ELFN2: variants seen among roughly 807,000 people sequenced by gnomAD.
ELFN2 encodes the protein protein phosphatase 1 regulatory subunit 29.
A neutral mutation model predicts 45.5 loss-of-function variants in ELFN2; 17 were observed. The observed-to-expected ratio is 0.37, with a 90% CI of 0.26 to 0.56. The LOEUF (loss-of-function observed/expected upper bound fraction) is 0.56. Among genes scored for constraint, ELFN2 ranks in the 20% least tolerant of loss-of-function variants. ELFN2 has a pLI of 0.77. For synonymous variants in ELFN2, 550 were observed against 551.5 expected (o/e 1.00, Z 0.04); for missense variants, 922 against 1,183.2 (o/e 0.78, Z 3.24).
chr22:37,346,388 C>G (rs889128273), intron 1 of ELFN2, among the ~76,000 whole-genome samples: 1 of 152,022 alleles, frequency 6.6e-6, no homozygotes, highest in African/African-American at 2.4e-5. Context: ...ACCTCCTACC[C>G]CACCCCTCCT....
At chr22:37,422,952 G>GC (rs912377121) in intron 1 of ELFN2, among the ~76,000 whole-genome samples, 3 of 149,518 alleles carry the variant, frequency 2.0e-5, no homozygotes, top group Non-Finnish European at 3.0e-5. Flanking sequence ...TCGGGGGGGG[G>GC]GGGGGAAGTG....
Position 37,357,890 on chromosome 22 carries a change from C to T in ELFN2, n.149-15187G>A, listed in dbSNP as rs141470248. 3.2e-3 allele frequency among the ~76,000 whole-genome samples: 492 copies of T among 152,294 alleles called. 5 individuals are homozygous for T. Among genetic ancestry groups the T allele is most frequent in the African/African-American group, 0.011 (473 of 41,562 alleles). Reference sequence around the variant, plus strand: ...ATCGACTTCCTCTTGGTCAGCAGCACGAGCGTGGCCACCCCCTCCACACAT... The same window carrying T: ...ATCGACTTCCTCTTGGTCAGCAGCATGAGCGTGGCCACCCCCTCCACACAT... On this transcript the variant is annotated intron_variant and non_coding_transcript_variant, in intron 1 of 2. Transcript: ENST00000452946.
At chr22:37,422,614 G>A (rs182248444) in intron 1 of ELFN2, among the ~76,000 whole-genome samples, 177 of 152,020 alleles carry the variant, frequency 1.2e-3, no homozygotes, top group Non-Finnish European at 2.0e-3. Flanking sequence ...TTTTTTTTGA[G>A]ACGGAGCCTC....
chr22:37,415,512 A>G (rs1471462529), intron 2 of ELFN2, among the ~76,000 whole-genome samples: 1 of 152,214 alleles, frequency 6.6e-6, no homozygotes, highest in African/African-American at 2.4e-5. Context: ...GCCTGTCAGA[A>G]GGCTCTCTGC....
intron 1 of ELFN2, among the ~76,000 whole-genome samples, chr22:37,343,780 C>G (rs1313916728): frequency 6.9e-6 from 1 of 145,534 alleles, no homozygotes; most frequent in Non-Finnish European, 1.5e-5. Context: ...CCAGCCCTAT[C>G]TAGCCCCTCC....
intron 1 of ELFN2, among the ~76,000 whole-genome samples, chr22:37,355,253 C>T (rs1298035919): frequency 6.6e-6 from 1 of 152,240 alleles, no homozygotes; most frequent in Non-Finnish European, 1.5e-5. Context: ...ACAGTGCTGC[C>T]TGGCAGGGAG....
At position 37,373,487 on chromosome 22, in the gene ELFN2, C is replaced by CCCG; in HGVS notation, c.2045_2047dup (p.Ala682dup). The stretch of plus-strand genomic sequence containing the variant: ...GCCCCCGCCGCTGCCCCCGCCGCTG[C>CCCG]CCGCCGGCACCAGCGGGAGCCGGTC... On this transcript the variant is annotated inframe_insertion, in exon 3 of 3. Transcript: ENST00000402918. 6.5e-7 allele frequency: 1 copy of CCCG among 1,537,076 alleles called. No individual in the cohort carries two copies. Among genetic ancestry groups the CCCG allele is most frequent in the Non-Finnish European group, 8.8e-7 (1 of 1,142,546 alleles).
intron 1 of ELFN2, among the ~76,000 whole-genome samples, chr22:37,350,817 G>A (rs1015102889): frequency 6.7e-6 from 1 of 149,318 alleles, no homozygotes; most frequent in African/African-American, 2.4e-5. Flanking sequence ...CAAGACCCGA[G>A]GCCTCCAGGC....
chr22:37,420,237 G>C (rs1297482017), intron 1 of ELFN2: 3 of 152,048 alleles, frequency 2.0e-5, no homozygotes, highest in Non-Finnish European at 4.4e-5. Context: ...CCAGGTCCGC[G>C]GCAGTTCCCG....
intron 2 of ELFN2, among the ~76,000 whole-genome samples, chr22:37,380,525 G>C (rs1336621908): frequency 6.6e-6 from 1 of 152,170 alleles, no homozygotes; most frequent in Non-Finnish European, 1.5e-5. Flanking sequence ...GGGGGGAAGC[G>C]CAGTCTGTGT....
chr22:37,378,889 T>TG (rs757035723), intron 2 of ELFN2, among the ~76,000 whole-genome samples: 4 of 152,112 alleles, frequency 2.6e-5, no homozygotes, highest in Non-Finnish European at 5.9e-5. Context: ...ACTCAAGGTG[T>TG]GGGGGGTGGG....
At chr22:37,424,039 G>A (rs12158179) in intron 1 of ELFN2, among the ~76,000 whole-genome samples, 10,870 of 152,158 alleles carry the variant, frequency 0.071, 740 homozygotes, top group African/African-American at 0.18. Flanking sequence ...GCTAAGAAGC[G>A]TCAGGTTTCG....
chr22:37,342,172 G>T (rs1444086101), intron 2 of ELFN2, among the ~76,000 whole-genome samples: 1 of 152,176 alleles, frequency 6.6e-6, no homozygotes, highest in Admixed American at 6.5e-5. Flanking sequence ...TTCCCCTGAA[G>T]ACTTGAAGAG....
intron 1 of ELFN2, among the ~76,000 whole-genome samples, chr22:37,343,501 G>T (rs1000007446): frequency 2.6e-5 from 4 of 151,964 alleles, no homozygotes; most frequent in Admixed American, 1.3e-4. Context: ...TCAGCCCCCG[G>T]CCTGGGCTCC....
At chr22:37,422,947 G>GA (rs932519486) in intron 1 of ELFN2, among the ~76,000 whole-genome samples, 2 of 132,580 alleles carry the variant, frequency 1.5e-5, no homozygotes, top group African/African-American at 6.9e-5. Flanking sequence ...GGGCCTCGGG[G>GA]GGGGGGGGGG....
chr22:37,359,198 G>GT (rs1353091128), intron 1 of ELFN2, among the ~76,000 whole-genome samples: 3 of 152,192 alleles, frequency 2.0e-5, no homozygotes, highest in Non-Finnish European at 4.4e-5. Flanking sequence ...AATATAATTT[G>GT]TAAAACGCAA....
At chr22:37,397,341 C>T (rs1037331102) in intron 2 of ELFN2, among the ~76,000 whole-genome samples, 1 of 152,208 alleles carries the variant, frequency 6.6e-6, no homozygotes, top group Admixed American at 6.5e-5. Context: ...ACAACATAGG[C>T]CCCCAGGCAT....
chr22:37,342,876 G>A (rs192854497), intron 1 of ELFN2, among the ~76,000 whole-genome samples: 26 of 152,272 alleles, frequency 1.7e-4, no homozygotes, highest in African/African-American at 6.0e-4. Context: ...CAGACAGGTA[G>A]ATCTGTTTCA....
intron 1 of ELFN2, chr22:37,354,634 C>CATCTAGTTAACATGCACGGTCT (rs1437038010): frequency 6.6e-6 from 1 of 151,524 alleles, no homozygotes; most frequent in Non-Finnish European, 1.5e-5. Context: ...AAATACAGGA[C>CATCTAGTTAACATGCACGGTCT]GTACAAATGA....
Sources: gnomAD v4.1 joint callset for allele counts (sites outside exome capture counted in the v4.1 genomes callset) on GRCh38, gnomAD v4.1.1 for gene constraint, MANE v1.5 for transcripts, NCBI Gene and HGNC (gene_info 2026-07-23, HGNC 2026-07-21) for gene names.